TRPM6: variants seen among roughly 807,000 people sequenced by gnomAD.
The protein encoded by TRPM6 is channel kinase 2.
TRPM6 carries 111 observed loss-of-function variants against 247.6 expected under a neutral mutation model. That is an observed-to-expected ratio of 0.45 (90% CI 0.38 to 0.52). TRPM6 has a LOEUF of 0.52. TRPM6 is among the 20% of genes least tolerant of loss of function. TRPM6 has a pLI of 0.00. For synonymous variants in TRPM6, 892 were observed against 853.8 expected, an observed-to-expected ratio of 1.04 and a Z score of -0.78; for missense variants, 2,126 against 2,421.5, an observed-to-expected ratio of 0.88 and a Z score of 2.56.
At chr9:74,748,995 C>A (rs972689858) in intron 30 of TRPM6, among the ~76,000 whole-genome samples, 7 of 152,118 alleles carry the variant, frequency 4.6e-5, no homozygotes, top group Admixed American at 1.3e-4. Flanking sequence ...ATCTTCTATA[C>A]TGTATTTTTA....
rs1161401022 is a variant in TRPM6 at position 74,818,293 on chromosome 9, C to CTTTTT, written c.1135-1334_1135-1330dup. Among the ~76,000 whole-genome samples the CTTTTT allele has an allele frequency of 1.3e-3, 97 of 72,018 alleles. 10 individuals carry two copies. The highest frequency in any genetic ancestry group is 3.7e-3 in the African/African-American group (61 of 16,316). The allele number at this position is 72,018 out of a possible 152,430, so 47.2% of individuals were successfully genotyped here. ...AACTCACGTTTCAGATCTATCATTT[C>CTTTTT]TTTTTTTTTTTTTTTTTTTTTTTTT... is the stretch of plus-strand genomic sequence containing the variant. On this transcript the variant is annotated intron_variant, in intron 9 of 38. Coordinates refer to ENST00000360774, the MANE Select transcript of TRPM6 (RefSeq NM_017662.5).
chr9:74,782,680 A>G lies in TRPM6; in HGVS notation c.3093T>C (p.Asp1031=), dbSNP rs770373337. Residue 1031 remains aspartate, a splice_region_variant and synonymous_variant, in exon 22 of 39, where the codon GAT becomes GAC. Transcript: ENST00000360774. ...ATGACGGTAAAATCCCATACACACC[A>G]TCTATTTCTCCAGCATAGACTTCTC... is the stretch of plus-strand genomic sequence containing the variant. ...IYGEVYAGEI[D]VCSSQPSCPP... is the part of the protein sequence containing the mutation. 1.1e-5 allele frequency: 18 copies of G among 1,613,986 alleles called. No individual in the cohort carries two copies. Among genetic ancestry groups the G allele is most frequent in the Non-Finnish European group, 1.4e-5 (17 of 1,179,956 alleles).
intron 21 of TRPM6, 34 bp downstream of exon 21, chr9:74,785,840 A>G: frequency 6.2e-7 from 1 of 1,613,572 alleles, no homozygotes; most frequent in Non-Finnish European, 8.5e-7. Flanking sequence ...ATTTTAAAAA[A>G]GAATACCAGG....
chr9:74,802,151 A>C lies in TRPM6; in HGVS notation c.1756T>G (p.Ser586Ala), dbSNP rs191316620. The change falls in exon 16 of 39, where the codon TCA becomes GCA. Residue 586 changes from serine to alanine, a missense_variant. Around this residue, in one of 3 missense-constraint regions of TRPM6, gnomAD observed 1,082 missense variants for 1,307.9 expected, o/e 0.83. Coordinates refer to ENST00000360774, the MANE Select transcript of TRPM6 (RefSeq NM_017662.5). The part of the protein sequence containing the change: ...FKEKSIVLHK[S>A]RKKSKEQNVS... Reference sequence around the variant, plus strand: ...TTTTGTTCTTTTGACTTCTTCCTTGATTTATGAAGGACTATAGACTTTTCC... The same window carrying C: ...TTTTGTTCTTTTGACTTCTTCCTTGCTTTATGAAGGACTATAGACTTTTCC... The C allele has an allele frequency of 9.9e-6, 16 of 1,614,078 alleles. No homozygotes were observed. In the East Asian group the frequency reaches 3.6e-4, roughly 36 times the overall value.
chr9:74,808,737 A>G (rs1828622906), intron 13 of TRPM6, among the ~76,000 whole-genome samples: 1 of 152,260 alleles, frequency 6.6e-6, no homozygotes, highest in Non-Finnish European at 1.5e-5. Flanking sequence ...CGTTGACTAC[A>G]TCATATGTAA....
chr9:74,861,991 T>C (rs946844195), intron 1 of TRPM6, among the ~76,000 whole-genome samples: 1 of 150,722 alleles, frequency 6.6e-6, no homozygotes, highest in African/African-American at 2.4e-5. Flanking sequence ...CAGGAACCCA[T>C]GTATACTATT....
Position 74,739,396 on chromosome 9 carries a change from C to T in TRPM6, c.5541G>A (p.Val1847=). The part of the protein sequence containing the change: ...AQKLIYTFNQ[V]KPQTIPYTPR... ...GTGTGTAGGGTATGGTTTGTGGTTT[C>T]ACTTGGTTGAAGGTATAGATCAATT... is the stretch of plus-strand genomic sequence containing the variant. Residue 1847 remains valine (V), a synonymous_variant, in exon 35 of 39, where the codon GTG becomes GTA. Coordinates refer to ENST00000360774, the MANE Select transcript of TRPM6 (RefSeq NM_017662.5). 6.2e-7 allele frequency: 1 copy of T among 1,614,114 alleles called. No homozygotes were observed. The highest frequency in any genetic ancestry group is 1.1e-5 in the South Asian group (1 of 91,076).
intron 1 of TRPM6, chr9:74,887,533 C>A (rs1406088408): frequency 6.9e-6 from 9 of 1,301,052 alleles, no homozygotes; most frequent in Non-Finnish European, 9.6e-6. Context: ...AACCCCCGAC[C>A]CCCGCTAGGT....
intron 30 of TRPM6, among the ~76,000 whole-genome samples, chr9:74,750,159 T>A (rs2118783194): frequency 6.6e-6 from 1 of 152,304 alleles, no homozygotes; most frequent in South Asian, 2.1e-4. Context: ...TCTGTCTCAA[T>A]CTTTCTCAGA....
At chr9:74,823,474 C>T (rs1829204562) in intron 7 of TRPM6, among the ~76,000 whole-genome samples, 1 of 152,172 alleles carries the variant, frequency 6.6e-6, no homozygotes, top group Non-Finnish European at 1.5e-5. Context: ...GTCAGGCTCT[C>T]AAATGTTAGG....
At chr9:74,872,869 C>T (rs184019178) in intron 1 of TRPM6, among the ~76,000 whole-genome samples, 1 of 152,282 alleles carries the variant, frequency 6.6e-6, no homozygotes, top group Non-Finnish European at 1.5e-5. Flanking sequence ...CCTACATTGC[C>T]TCCCAGGCCT....
chr9:74,879,542 G>A (rs185439623), intron 1 of TRPM6, among the ~76,000 whole-genome samples: 2 of 152,176 alleles, frequency 1.3e-5, no homozygotes, highest in African/African-American at 4.8e-5. Context: ...GCCCAATGCA[G>A]GATTCTAATC....
chr9:74,887,538 C>G (rs772434753), intron 1 of TRPM6: 4 of 1,338,576 alleles, frequency 3.0e-6, no homozygotes, highest in Non-Finnish European at 4.1e-6. Context: ...CCGACCCCCG[C>G]TAGGTTTCCG....
rs748678199 is a variant in TRPM6 at position 74,782,417 on chromosome 9, C to G, written c.3154G>C (p.Val1052Leu). Reference sequence around the variant, plus strand: ...ATGATATATTGCACGAAGAGGTAGACAGCTTGCAAGAATGGAGTAAGAAAA... The same window carrying G: ...ATGATATATTGCACGAAGAGGTAGAGAGCTTGCAAGAATGGAGTAAGAAAA... ...GSFLTPFLQA[V>L]YLFVQYIIMV... Residue 1052 changes from valine to leucine, a missense_variant, in exon 23 of 39, where the codon GTC (valine) becomes CTC (leucine). By Grantham distance (32) the Val-to-Leu change is conservative (BLOSUM62 1). This residue lies in a region of TRPM6 where 1,082 missense variants were observed against 1,307.9 expected (regional missense o/e 0.83). Transcript: ENST00000360774. 6.2e-7 allele frequency: 1 copy of G among 1,614,046 alleles called. No homozygotes were observed. Among genetic ancestry groups the G allele is most frequent in the South Asian group, 1.1e-5 (1 of 91,076 alleles).
intron 14 of TRPM6, among the ~76,000 whole-genome samples, chr9:74,805,358 C>G (rs963593379): frequency 2.0e-5 from 3 of 152,146 alleles, no homozygotes; most frequent in Admixed American, 1.3e-4. Flanking sequence ...TGAGGGAGAA[C>G]GTTTACCACT....
rs1267645811 is a variant in TRPM6 at position 74,869,446 on chromosome 9, T to C, written c.34-10698A>G. On this transcript the variant is annotated intron_variant, in intron 1 of 38. Transcript: ENST00000360774. ...TCCAGCCTGGGCAACAGAGCGAGACTCCATCTCAAAAAAAAAAAAAAAAGA... is the reference window on the plus strand; with the variant it reads ...TCCAGCCTGGGCAACAGAGCGAGACCCCATCTCAAAAAAAAAAAAAAAAGA... 2.1e-5 allele frequency among the ~76,000 whole-genome samples: 3 copies of C among 143,552 alleles called. No individual in the cohort carries two copies. In the South Asian group the frequency reaches 6.6e-4, roughly 32 times the overall value. The allele number at this position is 143,552 out of a possible 152,430, so 94.2% of individuals were successfully genotyped here.
At position 74,803,836 on chromosome 9, in the gene TRPM6, C is replaced by A; in HGVS notation, c.1689G>T (p.Leu563=). ...GNRNESAEST[L]HSQFIRTAQP... ...GTGCAGTTCTAATGAACTGGGAGTGCAGCGTACTTTCTGCAGACTCATTTC... is the reference window on the plus strand; with the variant it reads ...GTGCAGTTCTAATGAACTGGGAGTGAAGCGTACTTTCTGCAGACTCATTTC... Residue 563 remains leucine, a synonymous_variant, in exon 15 of 39, where the codon CTG becomes CTT. Coordinates refer to ENST00000360774, the MANE Select transcript of TRPM6 (RefSeq NM_017662.5). 1 of 1,613,734 alleles carries A rather than the reference C, an allele frequency of 6.2e-7. No homozygotes were observed. The highest frequency in any genetic ancestry group is 8.5e-7 in the Non-Finnish European group (1 of 1,179,696).
chr9:74,835,382 GTT>G, intron 5 of TRPM6, among the ~76,000 whole-genome samples: 1 of 110,036 alleles, frequency 9.1e-6, no homozygotes, highest in East Asian at 3.7e-4. Context: ...TATTATGAAT[GTT>G]TTTTTTATGC....
At chr9:74,838,889 C>T (rs1360006003) in intron 5 of TRPM6, among the ~76,000 whole-genome samples, 2 of 152,066 alleles carry the variant, frequency 1.3e-5, no homozygotes, top group East Asian at 1.9e-4. Flanking sequence ...GTGGGCAGAT[C>T]GCCTGAGGTC....
Sources: gnomAD v4.1 joint callset for allele counts (sites outside exome capture counted in the v4.1 genomes callset) on GRCh38, gnomAD v4.1.1 for gene constraint, gnomAD v4.1.1 regional missense constraint, MANE v1.5 for transcripts, NCBI Gene and HGNC (gene_info 2026-07-23, HGNC 2026-07-21) for gene names.